Variants in ORC3 observed in about 807,000 individuals in gnomAD.
ORC3 encodes the protein homolog of latheo, Drosophila.
A neutral mutation model predicts 100.7 loss-of-function variants in ORC3; 78 were observed. The observed-to-expected ratio is 0.77, with a 90% CI of 0.65 to 0.94. The LOEUF (loss-of-function observed/expected upper bound fraction) is 0.94. Ranked by LOEUF, ORC3 falls within the 40% of genes least tolerant of loss-of-function variation. The pLI is 0.00. For missense variants in ORC3, 789 were observed against 823.9 expected (o/e 0.96, Z 0.52); for synonymous variants, 295 against 289.3 (o/e 1.02, Z -0.20).
At chr6:87,674,048 G>A in the ORC3 span, among the ~76,000 whole-genome samples, 7 of 152,076 alleles carry the variant, frequency 4.6e-5, no homozygotes, top group African/African-American at 1.2e-4. Flanking sequence ...AGTGGCTCAC[G>A]CCAGCATTTT....
rs1161923284 is a variant in ORC3 at position 87,634,717 on chromosome 6, C to T, written c.1186-128C>T. Reference sequence around the variant, plus strand: ...GGATTTTATATGTATTTCAAATTTTCATGAATTAATTTGTAGTTTTGAATC... The same window carrying T: ...GGATTTTATATGTATTTCAAATTTTTATGAATTAATTTGTAGTTTTGAATC... On this transcript the variant is annotated intron_variant, in intron 11 of 19. Transcript: ENST00000392844. The T allele has an allele frequency of 6.7e-6, 4 of 598,562 alleles. No individual in the cohort carries two copies. In the African/African-American group the frequency reaches 8.3e-5, roughly 12 times the overall value. 37.1% of individuals were successfully genotyped at this position (598,562 alleles called of 1,614,324 possible). A position where few individuals can be genotyped will look rare whatever the true frequency, so the allele number is the denominator to read the frequency against.
Position 87,603,385 on chromosome 6 carries a change from G to A in ORC3, c.179G>A (p.Arg60Gln), listed in dbSNP as rs751673223. ...TAAGTTTTTGTGTGTTCTTTGTAGC[G>A]ACTACAAGAGGAATTAAATAAAAAC... ...IWQQMKSENE[R>Q]LQEELNKNLF... The change falls in exon 4 of 20, where the codon CGA becomes CAA. Residue 60 changes from arginine (R) to glutamine (Q), a missense_variant and splice_region_variant. By Grantham distance (43) the Arg-to-Gln change is conservative. Transcript: ENST00000392844. 19 of 1,440,156 alleles carry A rather than the reference G, an allele frequency of 1.3e-5. No homozygotes were observed. Among genetic ancestry groups the A allele is most frequent in the Admixed American group, 3.6e-5 (2 of 55,650 alleles). The allele number at this position is 1,440,156 out of a possible 1,614,324, so 89.2% of individuals were successfully genotyped here. A position where few individuals can be genotyped will look rare whatever the true frequency, so the allele number is the denominator to read the frequency against.
rs764172750 is a variant in ORC3, at chr6:87,621,469, G to A, written c.1103G>A (p.Arg368His). ...LSNNQCENIR[R>H]LPSFRRYVEK... ...AATAATCAATGTGAAAACATCCGAC[G>A]TCTACCATCTTTTAGGAGGTAAAAA... Residue 368 changes from arginine to histidine, a missense_variant, in exon 10 of 20, where the codon CGT becomes CAT. This residue lies in a region of ORC3 where 24 missense variants were observed against 47.7 expected (regional missense o/e 0.50). Coordinates refer to ENST00000392844, the MANE Select transcript of ORC3 (RefSeq NM_012381.4). The A allele has an allele frequency of 1.2e-5, 19 of 1,591,820 alleles. No homozygotes were observed. The highest frequency in any genetic ancestry group is 1.7e-4 in the Middle Eastern group (1 of 5,980).
At chr6:87,675,870 C>T in the ORC3 span, 1 of 1,613,664 alleles carries the variant, frequency 6.2e-7, no homozygotes, top group Non-Finnish European at 8.5e-7. Flanking sequence ...AGCTAGCAGG[C>T]TGTTCTCCAT....
chr6:87,669,968 G>GT (rs1770799529), downstream of ORC3, among the ~76,000 whole-genome samples: 1 of 152,158 alleles, frequency 6.6e-6, no homozygotes, highest in Non-Finnish European at 1.5e-5. Context: ...TTTTTACACT[G>GT]TAAGGTACAG....
intron 4 of ORC3, among the ~76,000 whole-genome samples, chr6:87,604,041 T>C (rs1778162265): frequency 6.6e-6 from 1 of 152,222 alleles, no homozygotes; most frequent in African/African-American, 2.4e-5. Flanking sequence ...GCTTTCAAAT[T>C]GCAGGTTGTA....
intron 11 of ORC3, among the ~76,000 whole-genome samples, chr6:87,634,015 T>C (rs559090938): frequency 2.6e-5 from 4 of 152,062 alleles, no homozygotes; most frequent in African/African-American, 9.6e-5. Flanking sequence ...CGGTTGTGGG[T>C]TTTTTATTTT....
chr6:87,669,444 T>C (rs569626118), downstream of ORC3, among the ~76,000 whole-genome samples: 172 of 152,322 alleles, frequency 1.1e-3, no homozygotes, highest in African/African-American at 3.9e-3. Flanking sequence ...TGAATGTTTG[T>C]TAAGGAATTT....
rs28381483 is a variant in ORC3 at position 87,608,422 on chromosome 6, A to G, written c.579+598A>G. Among the ~76,000 whole-genome samples, 1,478 of 151,836 alleles carry G rather than the reference A, an allele frequency of 9.7e-3. 10 individuals are homozygous for G. Among genetic ancestry groups the G allele is most frequent in the Non-Finnish European group, 0.015 (1,035 of 68,022 alleles). On this transcript the variant is annotated intron_variant, in intron 6 of 19. Transcript: ENST00000392844. ...AATTGCGTCATAAAACCATAGTCTT[A>G]GGTTATGGTGCTGTGTAGCCAGACA...
At chr6:87,590,859 A>G (rs957757231) in intron 1 of ORC3, among the ~76,000 whole-genome samples, 2 of 152,216 alleles carry the variant, frequency 1.3e-5, no homozygotes, top group Non-Finnish European at 2.9e-5. Context: ...TGGGAGCGTC[A>G]TGAAAAATGA....
the ORC3 span, among the ~76,000 whole-genome samples, chr6:87,676,473 G>A: frequency 1.3e-4 from 15 of 113,398 alleles, no homozygotes; most frequent in South Asian, 2.9e-4. Context: ...AAAAAAAAAC[G>A]AGGCCGGGCG....
At chr6:87,599,912 G>C (rs138208782) in intron 2 of ORC3, among the ~76,000 whole-genome samples, 193 of 152,274 alleles carry the variant, frequency 1.3e-3, no homozygotes, top group African/African-American at 3.9e-3. Context: ...GGCGGAGGTT[G>C]CAGTAAGCTG....
the ORC3 span, among the ~76,000 whole-genome samples, chr6:87,673,186 A>T: frequency 1.7e-5 from 2 of 116,674 alleles, no homozygotes; most frequent in Admixed American, 1.1e-4. Context: ...TTTGAGACAG[A>T]GTCTCACTCT....
intron 6 of ORC3, 130 bp from the exon 7 acceptor site, chr6:87,608,966 C>T (rs901522384): frequency 6.6e-6 from 4 of 607,150 alleles, no homozygotes; most frequent in African/African-American, 3.8e-5. Flanking sequence ...TTCTATTTAT[C>T]GTGTGGTAGA....
At chr6:87,666,190 A>G (rs991537975) in intron 19 of ORC3, among the ~76,000 whole-genome samples, 11 of 151,610 alleles carry the variant, frequency 7.3e-5, no homozygotes, top group East Asian at 1.9e-4. Flanking sequence ...GGAGTGCAGT[A>G]GTGCGATCTT....
At chr6:87,596,289 A>C (rs1364398687) in intron 2 of ORC3, among the ~76,000 whole-genome samples, 2 of 151,634 alleles carry the variant, frequency 1.3e-5, no homozygotes, top group Non-Finnish European at 2.9e-5. Flanking sequence ...ATGCGCCACA[A>C]TGCCTGGCTA....
At chr6:87,607,210 C>T (rs945096595) in intron 5 of ORC3, among the ~76,000 whole-genome samples, 1 of 152,008 alleles carries the variant, frequency 6.6e-6, no homozygotes, top group Non-Finnish European at 1.5e-5. Context: ...GCAGGCAGAT[C>T]ATGAGGTGAG....
downstream of ORC3, among the ~76,000 whole-genome samples, chr6:87,669,868 A>T (rs1042809005): frequency 4.6e-5 from 7 of 152,216 alleles, no homozygotes; most frequent in Non-Finnish European, 5.9e-5. Flanking sequence ...ACTACGTACA[A>T]TGTAGTTTCA....
intron 8 of ORC3, among the ~76,000 whole-genome samples, chr6:87,613,205 A>G (rs1258379045): frequency 6.6e-6 from 1 of 152,184 alleles, no homozygotes; most frequent in Non-Finnish European, 1.5e-5. Context: ...GTGGAAGGCA[A>G]GGAGGAGCAA....
Sources: gnomAD v4.1 joint callset for allele counts (sites outside exome capture counted in the v4.1 genomes callset) on GRCh38, gnomAD v4.1.1 for gene constraint, gnomAD v4.1.1 regional missense constraint, MANE v1.5 for transcripts, NCBI Gene and HGNC (gene_info 2026-07-23, HGNC 2026-07-21) for gene names.